The following KDM4B variants were observed in gnomAD, a reference collection of about 807,000 sequenced individuals.
The protein encoded by KDM4B is lysine-specific demethylase 4B.
Under a neutral mutation model 125.2 loss-of-function variants are expected in KDM4B, and 32 were observed. The observed-to-expected ratio is 0.26, with a 90% CI of 0.19 to 0.34. The LOEUF is 0.34. KDM4B is among the 10% of genes least tolerant of loss of function. KDM4B has a pLI of 1.00. For missense variants in KDM4B, 1,190 were observed against 1,577.7 expected (o/e 0.75, Z 4.16); for synonymous variants, 721 against 677.9 (o/e 1.06, Z -0.99).
At chr19:5,047,964 G>C (rs1037176836) in intron 6 of KDM4B, among the ~76,000 whole-genome samples, 20 of 152,348 alleles carry the variant, frequency 1.3e-4, no homozygotes, top group Middle Eastern at 3.4e-3. Context: ...CCAGGAGCGT[G>C]GTCTTGAGCC....
In KDM4B at chr19:5,003,165, C is replaced by G. The variant is rs544988054; in HGVS notation, c.-108-13092C>G. Reference sequence around the variant, plus strand: ...CCTCACTTTATTGTTTTCTGAATGGCTACCCTGTTGTCCCAGCTCCATTGA... The same window carrying G: ...CCTCACTTTATTGTTTTCTGAATGGGTACCCTGTTGTCCCAGCTCCATTGA... On this transcript the variant is annotated intron_variant, in intron 1 of 22. Coordinates refer to ENST00000159111, the MANE Select transcript of KDM4B (RefSeq NM_015015.3). Among the ~76,000 whole-genome samples the G allele has an allele frequency of 3.3e-5, 5 of 152,284 alleles. No homozygotes were observed. In the South Asian group the frequency reaches 1.0e-3, roughly 32 times the overall value.
intron 11 of KDM4B, among the ~76,000 whole-genome samples, chr19:5,120,180 A>T (rs1172749393): frequency 6.6e-6 from 1 of 152,054 alleles, no homozygotes; most frequent in East Asian, 1.9e-4. Flanking sequence ...CTTATGATAT[A>T]AAAAAAATTT....
Position 5,003,945 on chromosome 19 carries a change from G to A in KDM4B, c.-108-12312G>A, listed in dbSNP as rs376132434. Among the ~76,000 whole-genome samples, 20 of 152,282 alleles carry A rather than the reference G, an allele frequency of 1.3e-4. No homozygotes were observed. The South Asian group carries it at 2.7e-3, about 21-fold the overall frequency. ...GTCTGCCCCGTGGGTTGTTGGCCGC[G>A]GTCGGATGCTCAGCCGCTTGAGAAT... On this transcript the variant is annotated intron_variant, in intron 1 of 22. Coordinates refer to ENST00000159111, the MANE Select transcript of KDM4B (RefSeq NM_015015.3).
chr19:5,045,258 C>CT (rs1209196479), intron 5 of KDM4B, among the ~76,000 whole-genome samples: 1 of 152,242 alleles, frequency 6.6e-6, no homozygotes. Flanking sequence ...GCGTGTTGCG[C>CT]TGTCTCATTG....
chr19:4,971,571 G>T lies in KDM4B; in HGVS notation c.-109+2341G>T, dbSNP rs1315704647. On this transcript the variant is annotated intron_variant, in intron 1 of 22. Coordinates refer to ENST00000159111, the MANE Select transcript of KDM4B (RefSeq NM_015015.3). The surrounding 1 kb of genome is among the most constrained non-coding windows in gnomAD (Gnocchi z 4.1). ...TGGGGTCATGCGTTCACCTGGTCTG[G>T]GGCTGCTAGGTTTCCAGTGCCGAGT... Among the ~76,000 whole-genome samples the T allele has an allele frequency of 2.0e-5, 3 of 152,150 alleles. No individual in the cohort carries two copies. The highest frequency in any genetic ancestry group is 6.5e-5 in the Admixed American group (1 of 15,280).
intron 6 of KDM4B, among the ~76,000 whole-genome samples, chr19:5,068,359 A>G (rs2037841969): frequency 6.6e-6 from 1 of 151,882 alleles, no homozygotes; most frequent in Non-Finnish European, 1.5e-5. Context: ...CGTCCTTTGG[A>G]CTGGGCTTTT....
intron 2 of KDM4B, among the ~76,000 whole-genome samples, chr19:5,021,331 G>A (rs1478065878): frequency 3.3e-5 from 5 of 152,118 alleles, no homozygotes; most frequent in Non-Finnish European, 7.4e-5. Context: ...GCTCATGCCT[G>A]TAACCCCAGC....
intron 11 of KDM4B, among the ~76,000 whole-genome samples, chr19:5,130,578 C>A (rs918354191): frequency 6.6e-6 from 1 of 152,276 alleles, no homozygotes; most frequent in South Asian, 2.1e-4. Flanking sequence ...CAAGGTTTTA[C>A]TTTCGTCAAA....
chr19:4,970,428 TCAG>T (rs780144847), intron 1 of KDM4B, among the ~76,000 whole-genome samples: 1 of 152,274 alleles, frequency 6.6e-6, no homozygotes. Flanking sequence ...GGGCGTGTAT[TCAG>T]CAAGTTCCTT....
chr19:5,077,324 C>T (rs755552964), intron 7 of KDM4B, 43 bp from the exon 8 acceptor site: 14 of 1,560,388 alleles, frequency 9.0e-6, no homozygotes, highest in South Asian at 6.7e-5. Context: ...TGACCCCGGC[C>T]GGCTGTGGCC....
At chr19:5,070,033 C>A (rs1206356470) in intron 6 of KDM4B, among the ~76,000 whole-genome samples, 1 of 152,016 alleles carries the variant, frequency 6.6e-6, no homozygotes, top group East Asian at 1.9e-4. Context: ...CGGGGAGAGA[C>A]CATATCATGT....
At chr19:5,090,695 C>A (rs1487690364) in intron 9 of KDM4B, among the ~76,000 whole-genome samples, 4 of 135,502 alleles carry the variant, frequency 3.0e-5, no homozygotes, top group African/African-American at 1.1e-4. Flanking sequence ...CATCAAGTGC[C>A]GACTCTGGGC....
At chr19:5,102,180 C>T (rs982981134) in intron 9 of KDM4B, among the ~76,000 whole-genome samples, 4 of 152,204 alleles carry the variant, frequency 2.6e-5, no homozygotes, top group South Asian at 2.1e-4. Flanking sequence ...CTGCTCGCCA[C>T]GTCCCACCCC....
At chr19:5,073,105 A>C (rs2037999393) in intron 7 of KDM4B, among the ~76,000 whole-genome samples, 1 of 152,024 alleles carries the variant, frequency 6.6e-6, no homozygotes, top group Non-Finnish European at 1.5e-5. Flanking sequence ...AAGATCCTTA[A>C]CTCGATCCCA....
chr19:5,080,922 A>C (rs1322065233), intron 8 of KDM4B: 6 of 152,246 alleles, frequency 3.9e-5, no homozygotes, highest in African/African-American at 7.2e-5. Context: ...TCAGAAACGC[A>C]CGCCAGGTGG....
At chr19:5,029,618 G>A (rs1318920033) in intron 2 of KDM4B, among the ~76,000 whole-genome samples, 1 of 152,196 alleles carries the variant, frequency 6.6e-6, no homozygotes, top group Non-Finnish European at 1.5e-5. Flanking sequence ...TTTCAGGCCA[G>A]GCGTTTATTA....
Position 4,989,397 on chromosome 19 carries a change from G to A in KDM4B, c.-109+20167G>A, listed in dbSNP as rs1266636678. On this transcript the variant is annotated intron_variant, in intron 1 of 22. Coordinates refer to ENST00000159111, the MANE Select transcript of KDM4B (RefSeq NM_015015.3). ...CTGTCGCCCAGGCTGGAGTGCAGTG[G>A]CACGATCTTGGCTCACTGTAACCTC... Among the ~76,000 whole-genome samples, 12 of 152,186 alleles carry A rather than the reference G, an allele frequency of 7.9e-5. No individual in the cohort carries two copies. The East Asian group carries it at 2.3e-3, about 29-fold the overall frequency.
In KDM4B at chr19:5,047,482, G is replaced by A; in HGVS notation, c.439G>A (p.Ala147Thr). ...ISGSLYDDDV[A>T]QWNIGSLRTI... ...CTGCTCTGCCGCCCCACAGGACGTGGCCCAGTGGAACATCGGGAGCCTCCG... is the reference window on the plus strand; with the variant it reads ...CTGCTCTGCCGCCCCACAGGACGTGACCCAGTGGAACATCGGGAGCCTCCG... The change falls in exon 6 of 23, where the codon GCC (alanine) becomes ACC (threonine). Residue 147 changes from alanine (A) to threonine (T), a missense_variant. This residue lies in a region of KDM4B where 139 missense variants were observed against 248.3 expected (regional missense o/e 0.56). Coordinates refer to ENST00000159111, the MANE Select transcript of KDM4B (RefSeq NM_015015.3). 1.9e-6 allele frequency: 3 copies of A among 1,608,052 alleles called. No individual in the cohort carries two copies. The highest frequency in any genetic ancestry group is 2.6e-6 in the Non-Finnish European group (3 of 1,176,366).
intron 5 of KDM4B, among the ~76,000 whole-genome samples, chr19:5,041,833 G>A (rs1392356803): frequency 6.6e-6 from 1 of 152,272 alleles, no homozygotes; most frequent in Non-Finnish European, 1.5e-5. Flanking sequence ...CGTGGCGGGT[G>A]TGTGTGGAAC....
Sources: gnomAD v4.1 joint callset for allele counts (sites outside exome capture counted in the v4.1 genomes callset) on GRCh38, gnomAD v4.1.1 for gene constraint, gnomAD v4.1.1 regional missense constraint, Gnocchi (gnomAD v3.1) non-coding constraint, MANE v1.5 for transcripts, NCBI Gene and HGNC (gene_info 2026-07-23, HGNC 2026-07-21) for gene names.